The following GLIS3 variants were observed in gnomAD, a reference collection of about 807,000 sequenced individuals.
GLIS3 encodes GLIS family zinc finger 3, also known as zinc finger protein GLIS3.
A neutral mutation model predicts 78.6 loss-of-function variants in GLIS3; 53 were observed. The observed-to-expected ratio is 0.67, with a 90% confidence interval of 0.54 to 0.85. The LOEUF (loss-of-function observed/expected upper bound fraction) is 0.85. Ranked by LOEUF, GLIS3 falls within the 40% of genes least tolerant of loss-of-function variation. GLIS3 has a pLI of 0.00. For synonymous variants in GLIS3, 684 were observed against 509.9 expected (o/e 1.34, Z -4.60); for missense variants, 1,703 against 1,231.1 (o/e 1.38, Z -5.74).
chr9:4,486,975 G>A, the GLIS3 span, among the ~76,000 whole-genome samples: 4 of 152,268 alleles, frequency 2.6e-5, no homozygotes, highest in Middle Eastern at 3.4e-3. Context: ...TGGGAATATA[G>A]GTGTGAGTCG....
In GLIS3 at chr9:4,227,306, C is replaced by CA. The variant is rs35096957; in HGVS notation, c.388+58731dup. Among the ~76,000 whole-genome samples, 37 of 136,770 alleles carry CA rather than the reference C, an allele frequency of 2.7e-4. No individual in the cohort carries two copies. In the East Asian group the frequency reaches 2.8e-3, roughly 11 times the overall value. The allele number at this position is 136,770 out of a possible 152,430, so 89.7% of individuals were successfully genotyped here. On this transcript the variant is annotated intron_variant, in intron 2 of 10. Transcript: ENST00000381971. Reference sequence around the variant, plus strand: ...ATGGTTCTGGGTCACGTTATGTTACCAAAAAAAAAAAAAAAAAAGTAAGTA... The same window carrying CA: ...ATGGTTCTGGGTCACGTTATGTTACCAAAAAAAAAAAAAAAAAAAGTAAGTA...
chr9:4,098,151 G>T (rs1390134371), intron 4 of GLIS3, among the ~76,000 whole-genome samples: 1 of 152,172 alleles, frequency 6.6e-6, no homozygotes, highest in African/African-American at 2.4e-5. Flanking sequence ...CATCTCTCAG[G>T]ATCTCACTGA....
chr9:4,110,376 T>C (rs1406284534), intron 4 of GLIS3, among the ~76,000 whole-genome samples: 3 of 152,284 alleles, frequency 2.0e-5, no homozygotes, highest in South Asian at 4.1e-4. Context: ...ACTGGTTATA[T>C]CATGTTCCAA....
At chr9:4,219,829 G>T (rs776946196) in intron 2 of GLIS3, among the ~76,000 whole-genome samples, 3 of 152,158 alleles carry the variant, frequency 2.0e-5, no homozygotes, top group Non-Finnish European at 4.4e-5. Context: ...CAGCTGCTAC[G>T]TATTTCCTAG....
At chr9:4,170,964 T>C (rs1039001181) in intron 2 of GLIS3, among the ~76,000 whole-genome samples, 1 of 152,158 alleles carries the variant, frequency 6.6e-6, no homozygotes, top group Non-Finnish European at 1.5e-5. Flanking sequence ...AAAAATCATA[T>C]ACTTAGAACT....
At chr9:3,930,902 A>T (rs1482190563) in intron 6 of GLIS3, among the ~76,000 whole-genome samples, 1 of 152,208 alleles carries the variant, frequency 6.6e-6, no homozygotes, top group African/African-American at 2.4e-5. Flanking sequence ...AACAAAAATA[A>T]TAGACGGTGG....
upstream of GLIS3, among the ~76,000 whole-genome samples, chr9:4,303,226 G>A (rs898647600): frequency 6.6e-6 from 1 of 151,344 alleles, no homozygotes; most frequent in East Asian, 2.0e-4. Flanking sequence ...GATAAGTTGA[G>A]CTAATAGCAC....
chr9:3,957,983 GCAGCAAAATGT>G (rs1384694079), intron 4 of GLIS3, among the ~76,000 whole-genome samples: 2 of 152,148 alleles, frequency 1.3e-5, no homozygotes, highest in Non-Finnish European at 2.9e-5. Flanking sequence ...GAATTCCGTG[GCAGCAAAATGT>G]CACACTCCTA....
intron 2 of GLIS3, among the ~76,000 whole-genome samples, chr9:4,204,371 G>T (rs905135655): frequency 1.3e-5 from 2 of 152,104 alleles, no homozygotes; most frequent in Admixed American, 1.3e-4. Context: ...AACTCATTAG[G>T]TCTGAGAGTA....
the GLIS3 span, among the ~76,000 whole-genome samples, chr9:4,397,620 AAAG>A: frequency 6.7e-6 from 1 of 148,600 alleles, no homozygotes; most frequent in Admixed American, 6.8e-5. Flanking sequence ...CAAAGCAATA[AAAG>A]AAGAAAGGAA....
the GLIS3 span, among the ~76,000 whole-genome samples, chr9:4,486,248 C>T: frequency 2.0e-5 from 3 of 152,122 alleles, no homozygotes; most frequent in Non-Finnish European, 2.9e-5. Flanking sequence ...TCTCTGACTT[C>T]CCCTGCCACC....
chr9:3,862,515 G>T (rs560508467), intron 8 of GLIS3, among the ~76,000 whole-genome samples: 1 of 152,232 alleles, frequency 6.6e-6, no homozygotes, highest in Admixed American at 6.5e-5. Flanking sequence ...CTTTGTCAAT[G>T]TACACATTTA....
rs1816988227 is a variant in GLIS3, at chr9:4,300,009, AGAG to A, written c.-690_-688del. 6.6e-6 allele frequency: 1 copy of A among 150,456 alleles called. No homozygotes were observed. Among genetic ancestry groups the A allele is most frequent in the Admixed American group, 6.6e-5 (1 of 15,168 alleles). 9.3% of individuals were successfully genotyped at this position (150,456 alleles called of 1,614,324 possible). A position where few individuals can be genotyped will look rare whatever the true frequency, so the allele number is the denominator to read the frequency against. ...GCGCAGTGTGGACGCGGCTGCAGGG[AGAG>A]GGGAAGGGGGAAGAGGGAGGGAGGA... On this transcript the variant is annotated 5_prime_UTR_variant, in exon 1 of 11. Transcript: ENST00000381971.
At chr9:3,870,989 C>A (rs1031692622) in intron 8 of GLIS3, among the ~76,000 whole-genome samples, 1 of 152,160 alleles carries the variant, frequency 6.6e-6, no homozygotes, top group African/African-American at 2.4e-5. Flanking sequence ...ACTTATTTCC[C>A]AGATACAATG....
chr9:4,473,008 G>A, the GLIS3 span, among the ~76,000 whole-genome samples: 2 of 152,102 alleles, frequency 1.3e-5, no homozygotes, highest in South Asian at 2.1e-4. Flanking sequence ...CGGTAGTTCT[G>A]TTTTTAGATC....
At chr9:3,829,709 T>A (rs542351541) in intron 9 of GLIS3, among the ~76,000 whole-genome samples, 6 of 152,180 alleles carry the variant, frequency 3.9e-5, no homozygotes, top group African/African-American at 1.4e-4. Context: ...TAGTGTGTAA[T>A]GTTTTTATTA....
intron 9 of GLIS3, among the ~76,000 whole-genome samples, chr9:3,844,156 G>C (rs1818898542): frequency 6.6e-6 from 1 of 152,126 alleles, no homozygotes; most frequent in Admixed American, 6.5e-5. Context: ...GCCAGTTCTA[G>C]CATTCTATTG....
At chr9:4,329,063 A>G (rs1191053193) in intron 2 of GLIS3, among the ~76,000 whole-genome samples, 3 of 152,196 alleles carry the variant, frequency 2.0e-5, no homozygotes, top group African/African-American at 7.2e-5. Context: ...TTGCCAGGCT[A>G]TCGTTTTAAC....
chr9:4,286,165 C>T lies in GLIS3; in HGVS notation c.261G>A (p.Arg87=), dbSNP rs552120234. ...GCTTCCCATTGGTGAGCATTTGTCT[C>T]CTGGGGCTTAAGGCAGGCAGATGGA... ...SRIHLPALSP[R]RQMLTNGKPR... Residue 87 remains arginine, a synonymous_variant, in exon 2 of 11, where the codon AGG becomes AGA. Transcript: ENST00000381971. 4.3e-6 allele frequency: 7 copies of T among 1,614,178 alleles called. No homozygotes were observed. The African/African-American group carries it at 8.0e-5, about 18-fold the overall frequency.
Sources: allele counts gnomAD v4.1 joint callset (sites outside exome capture counted in the v4.1 genomes callset), GRCh38; gene constraint gnomAD v4.1.1; transcripts MANE v1.5; gene names NCBI Gene and HGNC (gene_info 2026-07-23, HGNC 2026-07-21).